The following SIPA1L2 variants were observed in gnomAD, a reference collection of about 807,000 sequenced individuals.
SIPA1L2 encodes signal induced proliferation associated 1 like 2.
Under a neutral mutation model 163.9 loss-of-function variants are expected in SIPA1L2, and 56 were observed. The ratio of observed to expected loss-of-function variants is 0.34; its 90% CI spans 0.28 to 0.43. The LOEUF is 0.43. SIPA1L2 is among the 20% of genes least tolerant of loss of function. The pLI, the probability that SIPA1L2 is intolerant of heterozygous loss-of-function variation, is 1.00. For synonymous variants in SIPA1L2, 877 were observed against 865.7 expected (o/e 1.01, Z -0.23); for missense variants, 1,974 against 2,193.5 (o/e 0.90, Z 2.00).
chr1:232,550,687 G>C lies in SIPA1L2; in HGVS notation c.-270+23487C>G, dbSNP rs923086402. Among the ~76,000 whole-genome samples the C allele has an allele frequency of 4.6e-5, 7 of 152,200 alleles. No homozygotes were observed. In the South Asian group the frequency reaches 8.3e-4, roughly 18 times the overall value. ...CCAACACTACTGTCTTCTTAATGCA[G>C]ACAACAGAACCAAGGCTGGCAACTC... On this transcript the variant is annotated intron_variant, in intron 2 of 22. Coordinates refer to ENST00000674635, the MANE Select transcript of SIPA1L2 (RefSeq NM_020808.5).
At chr1:232,470,340 G>GTTT (rs1664739578) in intron 8 of SIPA1L2, among the ~76,000 whole-genome samples, 1 of 152,200 alleles carries the variant, frequency 6.6e-6, no homozygotes, top group Admixed American at 6.5e-5. Flanking sequence ...TAGAGCCATA[G>GTTT]ACTAGGGCTA....
At chr1:232,427,165 C>T (rs1272618968) in intron 17 of SIPA1L2, among the ~76,000 whole-genome samples, 1 of 152,204 alleles carries the variant, frequency 6.6e-6, no homozygotes, top group Non-Finnish European at 1.5e-5. Flanking sequence ...CTTTGTACAA[C>T]AGTCTGCCTT....
intron 22 of SIPA1L2, 81 bp downstream of exon 22, chr1:232,402,311 C>A: frequency 7.7e-7 from 1 of 1,297,140 alleles, no homozygotes; most frequent in Non-Finnish European, 1.1e-6. Flanking sequence ...TTTCCTGAGT[C>A]TTTTCAATTT....
At chr1:232,590,884 C>T (rs1411723958) in intron 1 of SIPA1L2, among the ~76,000 whole-genome samples, 1 of 152,200 alleles carries the variant, frequency 6.6e-6, no homozygotes, top group East Asian at 1.9e-4. Context: ...ACCCCATCAA[C>T]CTAAAATGCA....
At position 232,630,035 on chromosome 1, in the gene SIPA1L2, A is replaced by G. The variant is rs1202663771; in HGVS notation, c.-485T>C. 1.3e-5 allele frequency among the ~76,000 whole-genome samples: 2 copies of G among 149,346 alleles called. No individual in the cohort carries two copies. Among genetic ancestry groups the G allele is most frequent in the African/African-American group, 4.9e-5 (2 of 40,834 alleles). The stretch of plus-strand genomic sequence containing the variant: ...GCCCGGACCCGCTGGCTGCGGCTGG[A>G]GCTCTCGGCCTGCGCTCGGGCGGCC... On this transcript the variant is annotated 5_prime_UTR_variant, in exon 1 of 23. Transcript: ENST00000674635.
intron 1 of SIPA1L2, among the ~76,000 whole-genome samples, chr1:232,606,212 A>C (rs941133849): frequency 2.0e-5 from 3 of 152,236 alleles, no homozygotes; most frequent in Non-Finnish European, 4.4e-5. Context: ...ACAAAGAGAC[A>C]ATTAGCCTTT....
At chr1:232,420,395 G>A (rs1354839580) in intron 18 of SIPA1L2, among the ~76,000 whole-genome samples, 2 of 152,180 alleles carry the variant, frequency 1.3e-5, no homozygotes, top group African/African-American at 2.4e-5. Flanking sequence ...CCTGTGCTTT[G>A]TGATGCCACA....
chr1:232,583,111 G>C (rs908974983), intron 1 of SIPA1L2, among the ~76,000 whole-genome samples: 2 of 152,164 alleles, frequency 1.3e-5, no homozygotes, highest in African/African-American at 4.8e-5. Flanking sequence ...CTTCCAACTT[G>C]CCTGGGTAAA....
In SIPA1L2 at chr1:232,445,673, G is replaced by A; in HGVS notation, c.3209C>T (p.Pro1070Leu). ...AGAGAGGGGCTGCAGGGCAGGAGTG[G>A]GCACCCGGTGCCACGTGGTGTTCCT... ...FRRNTTWHRV[P>L]TPALQPLSRA... Residue 1070 changes from proline (P) to leucine (L), a missense_variant, in exon 11 of 23, where the codon CCC (proline) becomes CTC (leucine). Transcript: ENST00000674635. 6.2e-7 allele frequency: 1 copy of A among 1,613,446 alleles called. No homozygotes were observed.
chr1:232,475,161 G>T (rs143763251), intron 7 of SIPA1L2, among the ~76,000 whole-genome samples: 19 of 152,256 alleles, frequency 1.2e-4, no homozygotes, highest in Non-Finnish European at 2.2e-4. Context: ...TTACTAAAAA[G>T]GGGGCTGACA....
At chr1:232,446,125 G>A (rs1427906635) in intron 10 of SIPA1L2, among the ~76,000 whole-genome samples, 1 of 152,108 alleles carries the variant, frequency 6.6e-6, no homozygotes, top group African/African-American at 2.4e-5. Context: ...CTACCAATGC[G>A]TAAGAAGCAG....
chr1:232,473,255 T>C (rs1664884012), intron 7 of SIPA1L2, among the ~76,000 whole-genome samples: 1 of 152,250 alleles, frequency 6.6e-6, no homozygotes, highest in Non-Finnish European at 1.5e-5. Flanking sequence ...TTTTTAAAAA[T>C]ATGCCCATCA....
chr1:232,469,006 C>T (rs1664665741), intron 8 of SIPA1L2, among the ~76,000 whole-genome samples: 3 of 152,200 alleles, frequency 2.0e-5, no homozygotes, highest in Admixed American at 2.0e-4. Flanking sequence ...GAGCATTCTG[C>T]TGCGCTCATG....
chr1:232,416,466 C>T (rs1161690720), intron 18 of SIPA1L2, among the ~76,000 whole-genome samples: 2 of 152,166 alleles, frequency 1.3e-5, no homozygotes, highest in Non-Finnish European at 2.9e-5. Context: ...TGAGTACATC[C>T]AGGTCTGACT....
At chr1:232,424,322 CAAAAAAAAAAAAAAA>C (rs55961523) in intron 18 of SIPA1L2, among the ~76,000 whole-genome samples, 2 of 71,794 alleles carry the variant, frequency 2.8e-5, no homozygotes, top group African/African-American at 5.5e-5. Flanking sequence ...GTGAAGCTAA[CAAAAAAAAAAAAAAA>C]AAAAAAAAAA....
intron 11 of SIPA1L2, among the ~76,000 whole-genome samples, chr1:232,445,032 T>C (rs1277636198): frequency 6.6e-6 from 1 of 152,238 alleles, no homozygotes; most frequent in Non-Finnish European, 1.5e-5. Flanking sequence ...AACAAGTGTA[T>C]GCATTCTTCT....
intron 2 of SIPA1L2, among the ~76,000 whole-genome samples, chr1:232,545,133 A>T (rs1221049719): frequency 6.6e-6 from 1 of 152,256 alleles, no homozygotes; most frequent in Non-Finnish European, 1.5e-5. Context: ...TTAAAATTAA[A>T]AAAATCTGAT....
At chr1:232,500,730 A>G (rs1214064685) in intron 3 of SIPA1L2, among the ~76,000 whole-genome samples, 1 of 152,250 alleles carries the variant, frequency 6.6e-6, no homozygotes, top group Non-Finnish European at 1.5e-5. Context: ...CGTTGTTGAA[A>G]TAACAACAAA....
chr1:232,439,251 C>T lies in SIPA1L2; in HGVS notation c.3888G>A (p.Gln1296=). 6.2e-7 allele frequency: 1 copy of T among 1,614,110 alleles called. No homozygotes were observed. The change falls in exon 15 of 23, where the codon CAG becomes CAA. Residue 1296 remains glutamine (Q), a synonymous_variant. Transcript: ENST00000674635. ...CAGAGACGTCGGCAGCATCAGCCCA[C>T]TGCTCGGCCCGGCTGTGGATCAGGG... is the stretch of plus-strand genomic sequence containing the variant. ...SRSLIHSRAE[Q]WADAADVSGP...
Sources: gnomAD v4.1 joint callset for allele counts (sites outside exome capture counted in the v4.1 genomes callset) on GRCh38, gnomAD v4.1.1 for gene constraint, MANE v1.5 for transcripts, NCBI Gene and HGNC (gene_info 2026-07-23, HGNC 2026-07-21) for gene names.